The following GFOD2 variants were observed in gnomAD, a reference collection of about 807,000 sequenced individuals.
The protein encoded by GFOD2 is glucose-fructose oxidoreductase domain-containing protein 2.
Under a neutral mutation model 24.6 loss-of-function variants are expected in GFOD2, and 9 were observed. The observed-to-expected ratio is 0.37, with a 90% CI of 0.22 to 0.64. GFOD2 has a LOEUF of 0.64. GFOD2 is among the 30% of genes least tolerant of loss of function. The pLI is 0.65. For missense variants in GFOD2, 476 were observed against 532.5 expected (o/e 0.89, Z 1.04); for synonymous variants, 211 against 224.8 (o/e 0.94, Z 0.55).
At chr16:67,687,907 A>G (rs2053280684) in intron 1 of GFOD2, among the ~76,000 whole-genome samples, 1 of 151,960 alleles carries the variant, frequency 6.6e-6, no homozygotes. Context: ...TGAGCCCAGG[A>G]GTCAAGACTG....
chr16:67,691,508 A>ACC (rs774540073), intron 1 of GFOD2, among the ~76,000 whole-genome samples: 1,889 of 113,904 alleles, frequency 0.017, 104 homozygotes, highest in African/African-American at 0.063. Flanking sequence ...CTGTGCCTAG[A>ACC]CCCCCCCCCA....
intron 1 of GFOD2, among the ~76,000 whole-genome samples, chr16:67,692,876 C>T (rs1015875551): frequency 6.7e-6 from 1 of 150,274 alleles, no homozygotes; most frequent in South Asian, 2.1e-4. Flanking sequence ...AATACAAAAA[C>T]AAAATTATCC....
At chr16:67,711,376 T>C (rs1294332259) in intron 1 of GFOD2, among the ~76,000 whole-genome samples, 1 of 152,172 alleles carries the variant, frequency 6.6e-6, no homozygotes, top group Non-Finnish European at 1.5e-5. Flanking sequence ...TTTCTTCTGA[T>C]TTTCCTCTTA....
At chr16:67,688,733 A>AT (rs2053286684) in intron 1 of GFOD2, among the ~76,000 whole-genome samples, 3 of 142,878 alleles carry the variant, frequency 2.1e-5, no homozygotes, top group African/African-American at 7.9e-5. Context: ...CATAAAATTT[A>AT]CTTTTTTTTT....
At chr16:67,684,677 C>A (rs2053252661) in intron 2 of GFOD2, 17 of 890,586 alleles carry the variant, frequency 1.9e-5, no homozygotes, top group Non-Finnish European at 2.3e-5. Flanking sequence ...GCCTGGGCAA[C>A]AAGAGGGAAA....
chr16:67,682,466 T>C (rs2053234210), intron 2 of GFOD2: 1 of 985,274 alleles, frequency 1.0e-6, no homozygotes, highest in African/African-American at 1.7e-5. Flanking sequence ...GCACTTAAAA[T>C]ATAATTTCCT....
rs543529161 is a variant in GFOD2, at chr16:67,700,753, C to G, written c.-87-14951G>C. ...CAAACAAACAAAAAACAAATTAAGG[C>G]TGGGTTCAGTGGCTCATGCCTGTAA... On this transcript the variant is annotated intron_variant, in intron 1 of 2. Transcript: ENST00000268797. Among the ~76,000 whole-genome samples the G allele has an allele frequency of 2.7e-4, 40 of 148,986 alleles. 2 individuals are homozygous for G. The Admixed American group carries it at 2.7e-3, about 10-fold the overall frequency.
intron 1 of GFOD2, among the ~76,000 whole-genome samples, chr16:67,704,324 A>T (rs111487808): frequency 1.1e-4 from 16 of 152,320 alleles, no homozygotes; most frequent in African/African-American, 3.8e-4. Flanking sequence ...GCGTAACAAC[A>T]TCTCTTTTTG....
intron 1 of GFOD2, among the ~76,000 whole-genome samples, chr16:67,715,871 G>A (rs1241380197): frequency 6.6e-6 from 1 of 151,906 alleles, no homozygotes; most frequent in East Asian, 1.9e-4. Context: ...AGCTGTCTAT[G>A]GTGGCATGCA....
intron 1 of GFOD2, among the ~76,000 whole-genome samples, chr16:67,695,181 G>C (rs1162624505): frequency 6.6e-6 from 1 of 151,842 alleles, no homozygotes; most frequent in Non-Finnish European, 1.5e-5. Flanking sequence ...ATTTTTAGTA[G>C]AGACAAGGTT....
At chr16:67,677,086 C>A (rs2053189465) in intron 2 of GFOD2, 1 of 152,208 alleles carries the variant, frequency 6.6e-6, no homozygotes. Context: ...AGGGTAAAGA[C>A]ACCCTGGCAA....
intron 1 of GFOD2, among the ~76,000 whole-genome samples, chr16:67,686,675 CA>C (rs58311667): frequency 0.15 from 20,938 of 143,412 alleles, 2,920 homozygotes; most frequent in African/African-American, 0.37. Flanking sequence ...GCTAAAAATA[CA>C]AAAAAAAAAA....
intron 1 of GFOD2, among the ~76,000 whole-genome samples, chr16:67,687,313 C>A (rs960582235): frequency 2.6e-5 from 4 of 151,582 alleles, no homozygotes; most frequent in Admixed American, 2.6e-4. Flanking sequence ...AAACTTTTTT[C>A]ATCAAACTGG....
At chr16:67,678,825 A>C (rs950702226) in intron 2 of GFOD2, among the ~76,000 whole-genome samples, 3 of 152,110 alleles carry the variant, frequency 2.0e-5, no homozygotes, top group African/African-American at 7.2e-5. Context: ...CAAGGGAGGG[A>C]TTCAGCCAAT....
chr16:67,693,793 G>T (rs1308869449), intron 1 of GFOD2, among the ~76,000 whole-genome samples: 1 of 151,992 alleles, frequency 6.6e-6, no homozygotes, highest in East Asian at 1.9e-4. Context: ...AATGCCTCAT[G>T]CCTGTAATCC....
intron 1 of GFOD2, among the ~76,000 whole-genome samples, chr16:67,710,188 C>T (rs1397514929): frequency 4.0e-5 from 6 of 151,868 alleles, no homozygotes; most frequent in South Asian, 2.1e-4. Context: ...TGCAGTGGGG[C>T]GATCATAGCT....
chr16:67,702,592 A>AT (rs561204882), intron 1 of GFOD2, among the ~76,000 whole-genome samples: 3,865 of 104,670 alleles, frequency 0.037, 107 homozygotes, highest in Non-Finnish European at 0.049. Flanking sequence ...GGTAGCCAGG[A>AT]TTTTTTTTTT....
At chr16:67,715,545 C>A (rs972554887) in intron 1 of GFOD2, among the ~76,000 whole-genome samples, 12 of 151,978 alleles carry the variant, frequency 7.9e-5, no homozygotes, top group African/African-American at 2.9e-4. Context: ...TTCTAACTTT[C>A]ATGAACCCAA....
At chr16:67,717,106 G>C (rs2053512572) in intron 1 of GFOD2, among the ~76,000 whole-genome samples, 2 of 152,122 alleles carry the variant, frequency 1.3e-5, no homozygotes, top group Admixed American at 6.5e-5. Flanking sequence ...ATGTTGGTGA[G>C]GCTGGTCTCA....
Sources: gnomAD v4.1 joint callset for allele counts (sites outside exome capture counted in the v4.1 genomes callset) on GRCh38, gnomAD v4.1.1 for gene constraint, MANE v1.5 for transcripts, NCBI Gene and HGNC (gene_info 2026-07-23, HGNC 2026-07-21) for gene names.